OPCML: variants seen among roughly 807,000 people sequenced by gnomAD.
The protein encoded by OPCML is opioid binding protein/cell adhesion molecule like.
A neutral mutation model predicts 37.8 loss-of-function variants in OPCML; 13 were observed. The ratio of observed to expected loss-of-function variants is 0.34; its 90% CI spans 0.22 to 0.55. The LOEUF (loss-of-function observed/expected upper bound fraction) is 0.55, where lower values mean the gene tolerates loss of function less well. Ranked by LOEUF, OPCML falls within the 20% of genes least tolerant of loss-of-function variation. The pLI is 0.91. For synonymous variants in OPCML, 176 were observed against 168.8 expected (o/e 1.04, Z -0.33); for missense variants, 341 against 435.6 (o/e 0.78, Z 1.93).
chr11:133,180,961 A>T (rs1937798402), intron 1 of OPCML, among the ~76,000 whole-genome samples: 1 of 152,228 alleles, frequency 6.6e-6, no homozygotes, highest in Non-Finnish European at 1.5e-5. Context: ...AAAACGGGAA[A>T]CACCCCAGGT....
chr11:132,475,702 AT>A (rs766899325), intron 4 of OPCML, among the ~76,000 whole-genome samples: 8 of 152,102 alleles, frequency 5.3e-5, no homozygotes, highest in African/African-American at 1.2e-4. Flanking sequence ...AAAAAAAAAA[AT>A]ATTTCTGTTG....
intron 2 of OPCML, among the ~76,000 whole-genome samples, chr11:132,900,470 C>T (rs1267772571): frequency 6.6e-6 from 1 of 152,132 alleles, no homozygotes; most frequent in African/African-American, 2.4e-5. Flanking sequence ...GCACTCAGGC[C>T]CACTGATACG....
At chr11:132,545,157 A>G (rs912240242) in intron 3 of OPCML, among the ~76,000 whole-genome samples, 3 of 152,202 alleles carry the variant, frequency 2.0e-5, no homozygotes, top group Non-Finnish European at 1.5e-5. Context: ...AATACCCACT[A>G]TGCACTAGTC....
At position 133,173,987 on chromosome 11, in the gene OPCML, A is replaced by G. The variant is rs748214225; in HGVS notation, c.62-230977T>C. Among the ~76,000 whole-genome samples, 1 of 152,186 alleles carries G rather than the reference A, an allele frequency of 6.6e-6. No homozygotes were observed. The highest frequency in any genetic ancestry group is 1.5e-5 in the Non-Finnish European group (1 of 68,032). On this transcript the variant is annotated intron_variant, in intron 1 of 7. Coordinates refer to ENST00000524381, the MANE Select transcript of OPCML (RefSeq NM_001012393.5). This position sits in a 1 kb window ranked among gnomAD's most constrained non-coding sequence, Gnocchi z 7.8. Reference sequence around the variant, plus strand: ...AGTCAGCCAATGCACCGGGACGCTGACATAAATCAGGGGCAGCAACGGATG... The same window carrying G: ...AGTCAGCCAATGCACCGGGACGCTGGCATAAATCAGGGGCAGCAACGGATG...
intron 2 of OPCML, among the ~76,000 whole-genome samples, chr11:132,895,886 T>C (rs1290242008): frequency 6.6e-6 from 1 of 152,004 alleles, no homozygotes; most frequent in Non-Finnish European, 1.5e-5. Context: ...CAAAGTGTGA[T>C]TCAGGAGGAG....
chr11:132,542,747 G>C (rs1003825407), intron 3 of OPCML, among the ~76,000 whole-genome samples: 1 of 152,178 alleles, frequency 6.6e-6, no homozygotes, highest in Non-Finnish European at 1.5e-5. Context: ...TGAGCTGGCT[G>C]CCCCTTGGGA....
chr11:133,190,630 C>T (rs1164281277), intron 1 of OPCML, among the ~76,000 whole-genome samples: 1 of 152,172 alleles, frequency 6.6e-6, no homozygotes, highest in Non-Finnish European at 1.5e-5. Context: ...CAGTCACCTC[C>T]AATCTCCCCA....
At chr11:132,595,349 G>A (rs972465890) in intron 3 of OPCML, among the ~76,000 whole-genome samples, 2 of 152,138 alleles carry the variant, frequency 1.3e-5, no homozygotes, top group African/African-American at 4.8e-5. Flanking sequence ...AATGGGCCCA[G>A]CATCACATAA....
chr11:132,895,982 G>A (rs1430982388), intron 2 of OPCML, among the ~76,000 whole-genome samples: 5 of 152,184 alleles, frequency 3.3e-5, no homozygotes, highest in Admixed American at 2.6e-4. Context: ...TGCATACTGA[G>A]AGTGTGGGAA....
At chr11:132,578,936 T>C (rs1028701029) in intron 3 of OPCML, among the ~76,000 whole-genome samples, 2 of 151,632 alleles carry the variant, frequency 1.3e-5, no homozygotes, top group Non-Finnish European at 2.9e-5. Context: ...TCTCCCTGAA[T>C]CAACAAGCCT....
At position 133,023,119 on chromosome 11, in the gene OPCML, G is replaced by A. The variant is rs375614847; in HGVS notation, c.62-80109C>T. Among the ~76,000 whole-genome samples the A allele has an allele frequency of 3.0e-4, 45 of 152,330 alleles. No homozygotes were observed. In the East Asian group the frequency reaches 5.4e-3, roughly 18 times the overall value. Reference sequence around the variant, plus strand: ...AACCTGCTTGCTCTATTGCAACCCCGACCTGGTGCAACAGTTGTAGGACTC... The same window carrying A: ...AACCTGCTTGCTCTATTGCAACCCCAACCTGGTGCAACAGTTGTAGGACTC... On this transcript the variant is annotated intron_variant, in intron 1 of 7. Coordinates refer to ENST00000524381, the MANE Select transcript of OPCML (RefSeq NM_001012393.5).
At chr11:132,704,919 A>C (rs1943969077) in intron 2 of OPCML, among the ~76,000 whole-genome samples, 1 of 152,236 alleles carries the variant, frequency 6.6e-6, no homozygotes, top group African/African-American at 2.4e-5. Flanking sequence ...GGTTAACATC[A>C]GTGGAAGTTA....
intron 3 of OPCML, among the ~76,000 whole-genome samples, chr11:132,537,052 A>C (rs1004691143): frequency 6.6e-6 from 1 of 152,246 alleles, no homozygotes; most frequent in African/African-American, 2.4e-5. Flanking sequence ...GTCTTTCAGC[A>C]ACAAGTTGGG....
chr11:132,632,185 T>C (rs191238869), intron 3 of OPCML, among the ~76,000 whole-genome samples: 125 of 149,650 alleles, frequency 8.4e-4, no homozygotes, highest in Non-Finnish European at 1.6e-3. Flanking sequence ...ACATGGAGAT[T>C]TGGGCAGGAT....
intron 4 of OPCML, among the ~76,000 whole-genome samples, chr11:132,527,392 C>T (rs561278099): frequency 2.1e-4 from 32 of 152,174 alleles, no homozygotes; most frequent in East Asian, 7.7e-4. Flanking sequence ...CACCAACACT[C>T]GATATTATCA....
chr11:132,720,623 A>G (rs1944645221), intron 2 of OPCML, among the ~76,000 whole-genome samples: 2 of 152,132 alleles, frequency 1.3e-5, no homozygotes, highest in South Asian at 4.1e-4. Context: ...TTGGCTCGCT[A>G]TTTACCCGGG....
At chr11:132,868,680 C>T (rs1224068896) in intron 2 of OPCML, among the ~76,000 whole-genome samples, 1 of 152,118 alleles carries the variant, frequency 6.6e-6, no homozygotes, top group African/African-American at 2.4e-5. Flanking sequence ...GCCTCTAGCA[C>T]TGTGGGCTTA....
rs145244488 is a variant in OPCML at position 132,582,104 on chromosome 11, TTGTGTGTGTGTGTG to T, written c.380-52932_380-52919del. Among the ~76,000 whole-genome samples the T allele has an allele frequency of 0.011, 1,575 of 140,506 alleles. 102 individuals are homozygous for T. In the East Asian group the frequency reaches 0.19, roughly 17 times the overall value. The allele number at this position is 140,506 out of a possible 152,430, so 92.2% of individuals were successfully genotyped here. A position where few individuals can be genotyped will look rare whatever the true frequency, so the allele number is the denominator to read the frequency against. ...GATGGGACAACTATTCACACATACTTTGTGTGTGTGTGTGTGTGTGTGTGTGTGTGTGTGTGTGT... is the reference window on the plus strand; with the variant it reads ...GATGGGACAACTATTCACACATACTTTGTGTGTGTGTGTGTGTGTGTGTGT... On this transcript the variant is annotated intron_variant, in intron 3 of 7. Transcript: ENST00000524381.
chr11:133,365,547 T>G (rs1377571842), intron 1 of OPCML: 1 of 152,136 alleles, frequency 6.6e-6, no homozygotes, highest in Non-Finnish European at 1.5e-5. Context: ...TACCATCCTG[T>G]TGAAGGTCAG....
Sources: allele counts gnomAD v4.1 joint callset (sites outside exome capture counted in the v4.1 genomes callset), GRCh38; gene constraint gnomAD v4.1.1; non-coding constraint Gnocchi (gnomAD v3.1); transcripts MANE v1.5; gene names NCBI Gene and HGNC (gene_info 2026-07-23, HGNC 2026-07-21).